UBR1: variants seen among roughly 807,000 people sequenced by gnomAD.
The protein encoded by UBR1 is ubiquitin protein ligase E3 component n-recognin 1.
A neutral mutation model predicts 242.1 loss-of-function variants in UBR1; 102 were observed. The ratio of observed to expected loss-of-function variants is 0.42; its 90% CI spans 0.36 to 0.50. The LOEUF is 0.50. Among genes scored for constraint, UBR1 ranks in the 20% least tolerant of loss-of-function variants. The pLI, the probability that UBR1 is intolerant of heterozygous loss-of-function variation, is 0.01. For missense variants in UBR1, 1,772 were observed against 2,101.8 expected (o/e 0.84, Z 3.07); for synonymous variants, 675 against 684.8 (o/e 0.99, Z 0.22).
chr15:43,066,432 A>T (rs1367470526), intron 6 of UBR1, among the ~76,000 whole-genome samples: 1 of 152,106 alleles, frequency 6.6e-6, no homozygotes, highest in East Asian at 1.9e-4. Flanking sequence ...TTAGGATTAT[A>T]TTGGCTATTT....
At chr15:43,059,614 T>TATTTC in intron 8 of UBR1, 88 bp downstream of exon 8, 1 of 1,487,846 alleles carries the variant, frequency 6.7e-7, no homozygotes, top group Non-Finnish European at 9.1e-7. Flanking sequence ...AGAAAAACTT[T>TATTTC]ATTTCATACT....
intron 35 of UBR1, 112 bp downstream of exon 35, chr15:42,988,706 TC>T (rs2141275904): frequency 1.4e-6 from 2 of 1,388,016 alleles, no homozygotes; most frequent in Non-Finnish European, 2.0e-6. Flanking sequence ...ATACTAATAG[TC>T]CTCATACAAG....
intron 43 of UBR1, among the ~76,000 whole-genome samples, chr15:42,958,443 A>C (rs2031958961): frequency 6.6e-6 from 1 of 152,206 alleles, no homozygotes; most frequent in African/African-American, 2.4e-5. Context: ...CAAGTCTTTG[A>C]ACCTAAGCCT....
chr15:42,985,989 C>CAAAAAAAAAAAAA (rs1230190123), intron 35 of UBR1, among the ~76,000 whole-genome samples: 1 of 47,002 alleles, frequency 2.1e-5, no homozygotes. Context: ...GACCCTGTCT[C>CAAAAAAAAAAAAA]AAAAAAAAAA....
intron 33 of UBR1, among the ~76,000 whole-genome samples, chr15:42,993,606 G>T (rs145633674): frequency 2.6e-5 from 4 of 152,208 alleles, no homozygotes; most frequent in Admixed American, 6.5e-5. Context: ...GGCCTCAAGA[G>T]ATCTGCCTGC....
chr15:42,993,881 T>C (rs1406164677), intron 33 of UBR1, among the ~76,000 whole-genome samples: 1 of 152,156 alleles, frequency 6.6e-6, no homozygotes. Context: ...TTTTCATCTT[T>C]AACCTATTTA....
At chr15:43,022,065 T>C (rs772523255) in intron 26 of UBR1, among the ~76,000 whole-genome samples, 12 of 152,096 alleles carry the variant, frequency 7.9e-5, no homozygotes, top group Non-Finnish European at 1.8e-4. Context: ...TTGCCAAAAA[T>C]ATTGAAGTGG....
chr15:42,985,222 C>G (rs191535749), intron 35 of UBR1, among the ~76,000 whole-genome samples: 121 of 152,248 alleles, frequency 7.9e-4, no homozygotes, highest in African/African-American at 2.5e-3. Context: ...GCAGCCTGGA[C>G]TGCTTCTTCT....
At chr15:42,970,393 C>T (rs1388175057) in intron 40 of UBR1, 127 bp downstream of exon 40, 3 of 1,003,154 alleles carry the variant, frequency 3.0e-6, no homozygotes, top group Non-Finnish European at 4.6e-6. Context: ...AAAAACCCTA[C>T]AAGAAAACCT....
At chr15:43,005,622 T>G (rs1488668855) in intron 30 of UBR1, among the ~76,000 whole-genome samples, 1 of 152,182 alleles carries the variant, frequency 6.6e-6, no homozygotes, top group Non-Finnish European at 1.5e-5. Flanking sequence ...CGGGCCATGA[T>G]GACGATGGCG....
chr15:43,088,794 T>G (rs1278457606), intron 1 of UBR1, among the ~76,000 whole-genome samples: 1 of 152,030 alleles, frequency 6.6e-6, no homozygotes, highest in East Asian at 1.9e-4. Context: ...TTCAACAATG[T>G]TACATTGTTT....
At chr15:43,018,580 G>A (rs1299682952) in intron 27 of UBR1, among the ~76,000 whole-genome samples, 1 of 152,038 alleles carries the variant, frequency 6.6e-6, no homozygotes, top group Non-Finnish European at 1.5e-5. Context: ...TGTAGAGATG[G>A]AGTTTTTGCC....
intron 29 of UBR1, 145 bp downstream of exon 29, chr15:43,015,543 A>G: frequency 2.2e-6 from 2 of 890,408 alleles, no homozygotes; most frequent in Admixed American, 2.0e-5. Flanking sequence ...AAAACCAAAG[A>G]CCTTTGTTCA....
chr15:43,005,169 C>A (rs987695434), intron 30 of UBR1, among the ~76,000 whole-genome samples: 34 of 150,446 alleles, frequency 2.3e-4, no homozygotes, highest in African/African-American at 7.9e-4. Flanking sequence ...AAGTGAAGAG[C>A]CCCTCCGCCC....
chr15:42,962,102 CCT>C (rs1013373010), intron 42 of UBR1, among the ~76,000 whole-genome samples: 1 of 138,480 alleles, frequency 7.2e-6, no homozygotes, highest in Non-Finnish European at 1.5e-5. Context: ...CCCTTTCTTT[CCT>C]CTCTTTCTTT....
rs1436035164 is a variant in UBR1, at chr15:42,964,006, A to C, written c.4629T>G (p.Tyr1543Ter). The change falls in exon 42 of 47, where the codon TAT (tyrosine) becomes TAG (stop). Residue 1543 changes from tyrosine to a stop codon, truncating the protein, a stop_gained. Coordinates refer to ENST00000290650, the MANE Select transcript of UBR1 (RefSeq NM_174916.3). LOFTEE classifies it high-confidence loss of function. Reference protein sequence around the residue: ...AEGEYSALCSYLSLPTNLFLL... With the variant: ...AEGEYSALCS ...GGAACAAATTTGTAGGTAAAGATAGATAGCTACAGAGTGCACTGTACTCTC... is the reference window on the plus strand; with the variant it reads ...GGAACAAATTTGTAGGTAAAGATAGCTAGCTACAGAGTGCACTGTACTCTC... The C allele has an allele frequency of 1.9e-6, 3 of 1,613,466 alleles. No individual in the cohort carries two copies.
intron 6 of UBR1, among the ~76,000 whole-genome samples, chr15:43,060,655 A>C (rs1200864694): frequency 6.6e-6 from 1 of 152,176 alleles, no homozygotes; most frequent in Non-Finnish European, 1.5e-5. Flanking sequence ...ATGTGAAAAA[A>C]GTCAGGAAGC....
chr15:42,998,579 C>T (rs777317914), intron 32 of UBR1, among the ~76,000 whole-genome samples: 4 of 152,192 alleles, frequency 2.6e-5, no homozygotes, highest in Non-Finnish European at 4.4e-5. Flanking sequence ...GATTCCCTCA[C>T]ACCCCACATT....
chr15:43,073,756 T>C (rs2033853163), intron 4 of UBR1, among the ~76,000 whole-genome samples: 1 of 152,238 alleles, frequency 6.6e-6, no homozygotes, highest in African/African-American at 2.4e-5. Context: ...GTAAGGTCAA[T>C]GTGAACCTTT....
Sources: gnomAD v4.1 joint callset for allele counts (sites outside exome capture counted in the v4.1 genomes callset) on GRCh38, gnomAD v4.1.1 for gene constraint, MANE v1.5 for transcripts, NCBI Gene and HGNC (gene_info 2026-07-23, HGNC 2026-07-21) for gene names.